Variants in EXTL3 observed in about 807,000 individuals in gnomAD.
The protein encoded by EXTL3 is exostosin like glycosyltransferase 3, also known as exostosin-like 3.
In EXTL3, 27 loss-of-function variants were observed where a neutral mutation model predicts 69.3. The ratio of observed to expected loss-of-function variants is 0.39; its 90% CI spans 0.29 to 0.54. The LOEUF (loss-of-function observed/expected upper bound fraction) is 0.54. Ranked by LOEUF, EXTL3 falls within the 20% of genes least tolerant of loss-of-function variation. The probability of loss-of-function intolerance (pLI) is 0.69; values close to 1 mark genes in which losing one functional copy is unlikely to be tolerated. For synonymous variants in EXTL3, 511 were observed against 499.4 expected (o/e 1.02, Z -0.31); for missense variants, 1,003 against 1,231.8 (o/e 0.81, Z 2.78).
At chr8:28,703,745 A>G (rs1800861689) in intron 1 of EXTL3, among the ~76,000 whole-genome samples, 1 of 152,198 alleles carries the variant, frequency 6.6e-6, no homozygotes, top group African/African-American at 2.4e-5. Context: ...GAGGCGAGGA[A>G]TATGAAACCA....
Position 28,754,417 on chromosome 8 carries a change from T to G in EXTL3, c.*3551T>G, listed in dbSNP as rs1008911584. The G allele has an allele frequency of 6.6e-6, 1 of 151,772 alleles. No individual in the cohort carries two copies. Among genetic ancestry groups the G allele is most frequent in the African/African-American group, 2.4e-5 (1 of 41,420 alleles). The allele number at this position is 151,772 out of a possible 1,614,324, so 9.4% of individuals were successfully genotyped here. ...CCTAAGAATGGGTGAGACTTAACAGTCGGTGTCCCTCCTCAAGTGGGGTTC... is the reference window on the plus strand; with the variant it reads ...CCTAAGAATGGGTGAGACTTAACAGGCGGTGTCCCTCCTCAAGTGGGGTTC... On this transcript the variant is annotated 3_prime_UTR_variant, in exon 7 of 7. Transcript: ENST00000220562.
intron 2 of EXTL3, among the ~76,000 whole-genome samples, chr8:28,617,239 G>A (rs995762493): frequency 6.6e-6 from 1 of 152,130 alleles, no homozygotes; most frequent in Non-Finnish European, 1.5e-5. Context: ...GAAAGAAGAT[G>A]GGGCAGCTTC....
intron 1 of EXTL3, among the ~76,000 whole-genome samples, chr8:28,668,568 C>T (rs1388948729): frequency 1.3e-5 from 2 of 151,960 alleles, no homozygotes; most frequent in African/African-American, 4.8e-5. Flanking sequence ...AACTTGTGAC[C>T]TCAGTTGATC....
chr8:28,655,624 T>C (rs977386890), intron 1 of EXTL3, among the ~76,000 whole-genome samples: 1 of 151,908 alleles, frequency 6.6e-6, no homozygotes, highest in African/African-American at 2.4e-5. Context: ...CTGGAGTAGC[T>C]GGGACCACAG....
At chr8:28,710,578 C>A in intron 1 of EXTL3, 1 of 394,992 alleles carries the variant, frequency 2.5e-6, no homozygotes, top group South Asian at 1.8e-5. Flanking sequence ...TGTCTATATT[C>A]ATGAGAGATT....
At chr8:28,689,128 T>A (rs1447452389) in intron 1 of EXTL3, among the ~76,000 whole-genome samples, 1 of 152,218 alleles carries the variant, frequency 6.6e-6, no homozygotes, top group African/African-American at 2.4e-5. Flanking sequence ...CATTTCTTGG[T>A]TCTTTGCTGA....
intron 2 of EXTL3, among the ~76,000 whole-genome samples, chr8:28,616,443 G>A: frequency 6.6e-6 from 1 of 152,078 alleles, no homozygotes; most frequent in Non-Finnish European, 1.5e-5. Flanking sequence ...GGCTAACAGG[G>A]TGAAACCCCG....
chr8:28,633,460 G>C (rs1806601810), intron 1 of EXTL3, among the ~76,000 whole-genome samples: 1 of 152,022 alleles, frequency 6.6e-6, no homozygotes, highest in African/African-American at 2.4e-5. Flanking sequence ...GACCAGCCTG[G>C]CCATCTCTAC....
chr8:28,697,927 A>G (rs2130689897), upstream of EXTL3: 1 of 152,344 alleles, frequency 6.6e-6, no homozygotes, highest in South Asian at 2.1e-4. Flanking sequence ...AGAGATAATA[A>G]GTGCTGTAAA....
chr8:28,640,405 T>C (rs930843561), intron 1 of EXTL3, among the ~76,000 whole-genome samples: 1 of 152,210 alleles, frequency 6.6e-6, no homozygotes, highest in Non-Finnish European at 1.5e-5. Flanking sequence ...TGAAAAGATC[T>C]TAGTAAAATC....
intron 2 of EXTL3, among the ~76,000 whole-genome samples, chr8:28,614,313 A>T (rs1585214529): frequency 8.9e-6 from 1 of 111,954 alleles, no homozygotes; most frequent in Non-Finnish European, 1.7e-5. Context: ...TCACTCTGCC[A>T]CCCAGACTGG....
At chr8:28,672,442 G>GA (rs1452596182) in intron 1 of EXTL3, among the ~76,000 whole-genome samples, 7 of 150,426 alleles carry the variant, frequency 4.7e-5, no homozygotes, top group East Asian at 2.0e-4. Flanking sequence ...GGGGGAGAAA[G>GA]AAAAAAAATA....
At chr8:28,655,296 GA>G (rs946141423) in intron 1 of EXTL3, among the ~76,000 whole-genome samples, 5 of 151,538 alleles carry the variant, frequency 3.3e-5, no homozygotes, top group South Asian at 4.1e-4. Flanking sequence ...AAAGAAGAAA[GA>G]AAAAAAATTC....
In EXTL3 at chr8:28,716,985, G is replaced by C; in HGVS notation, c.926G>C (p.Arg309Thr). The C allele has an allele frequency of 6.2e-7, 1 of 1,614,236 alleles. No homozygotes were observed. Among genetic ancestry groups the C allele is most frequent in the Non-Finnish European group, 8.5e-7 (1 of 1,180,044 alleles). ...AQSTFYTVQY[R>T]PGFDLVVSPL... ...TCCACCTTCTACACTGTCCAGTACA[G>C]ACCTGGCTTTGACTTGGTCGTATCA... Residue 309 changes from arginine to threonine, a missense_variant, in exon 3 of 7, where the codon AGA (arginine) becomes ACA (threonine). By Grantham distance (71) the Arg-to-Thr change is moderately conservative (BLOSUM62 -1). Transcript: ENST00000220562. The surrounding 1 kb of genome is among the most constrained non-coding windows in gnomAD (Gnocchi z 7.1).
chr8:28,676,582 G>T (rs1014822382), intron 1 of EXTL3, among the ~76,000 whole-genome samples: 8 of 152,138 alleles, frequency 5.3e-5, no homozygotes, highest in African/African-American at 1.9e-4. Flanking sequence ...AAGAGGTCTG[G>T]GATAGAGACA....
chr8:28,683,025 C>T (rs1011788919), intron 1 of EXTL3, among the ~76,000 whole-genome samples: 3 of 152,102 alleles, frequency 2.0e-5, no homozygotes, highest in African/African-American at 7.2e-5. Flanking sequence ...CTCTCTTTTT[C>T]CCGTTGTATG....
At chr8:28,620,163 G>A (rs139989584), upstream of EXTL3, among the ~76,000 whole-genome samples, 42 of 151,988 alleles carry the variant, frequency 2.8e-4, no homozygotes, top group East Asian at 7.7e-3. Context: ...GTGAGCCACC[G>A]CGCCTGGCCG....
intron 1 of EXTL3, among the ~76,000 whole-genome samples, chr8:28,626,881 T>C (rs1806499495): frequency 6.6e-6 from 1 of 152,186 alleles, no homozygotes; most frequent in Non-Finnish European, 1.5e-5. Context: ...CAATACTGTT[T>C]ATGCATTTAA....
At chr8:28,609,859 C>T (rs1423387296) in intron 2 of EXTL3, among the ~76,000 whole-genome samples, 2 of 149,980 alleles carry the variant, frequency 1.3e-5, no homozygotes, top group East Asian at 2.0e-4. Context: ...TACTGCACTC[C>T]AGCCTGGATG....
Sources: allele counts gnomAD v4.1 joint callset (sites outside exome capture counted in the v4.1 genomes callset), GRCh38; gene constraint gnomAD v4.1.1; non-coding constraint Gnocchi (gnomAD v3.1); transcripts MANE v1.5; gene names NCBI Gene and HGNC (gene_info 2026-07-23, HGNC 2026-07-21).